The following ANKS1B variants were observed in gnomAD, a reference collection of about 807,000 sequenced individuals.
ANKS1B encodes the protein ankyrin repeat and sterile alpha motif domain containing 1B.
ANKS1B carries 36 observed loss-of-function variants against 148.3 expected under a neutral mutation model. That is an observed-to-expected ratio of 0.24 (90% confidence interval 0.19 to 0.32). The LOEUF (loss-of-function observed/expected upper bound fraction) is 0.32, where lower values mean the gene tolerates loss of function less well. Ranked by LOEUF, ANKS1B falls within the 10% of genes least tolerant of loss-of-function variation. ANKS1B has a pLI of 1.00. For synonymous variants in ANKS1B, 542 were observed against 560.8 expected (o/e 0.97, Z 0.47); for missense variants, 1,157 against 1,542.6 (o/e 0.75, Z 4.19).
At chr12:99,633,300 G>A (rs552946095) in intron 9 of ANKS1B, among the ~76,000 whole-genome samples, 20 of 152,128 alleles carry the variant, frequency 1.3e-4, no homozygotes, top group Admixed American at 1.1e-3. Flanking sequence ...ACAGACCAAC[G>A]GAACAGAACA....
intron 5 of ANKS1B, among the ~76,000 whole-genome samples, chr12:99,780,687 G>A (rs2064206291): frequency 6.6e-6 from 1 of 152,114 alleles, no homozygotes; most frequent in South Asian, 2.1e-4. Context: ...TAATGGTCAT[G>A]TGATTTATAT....
intron 10 of ANKS1B, among the ~76,000 whole-genome samples, chr12:99,497,855 C>A (rs760003664): frequency 1.1e-4 from 16 of 151,986 alleles, no homozygotes; most frequent in Non-Finnish European, 1.6e-4. Flanking sequence ...CTCTCCACCC[C>A]CACCTCCACC....
chr12:99,032,763 T>A (rs1040276500), intron 17 of ANKS1B, among the ~76,000 whole-genome samples: 2 of 152,234 alleles, frequency 1.3e-5, no homozygotes, highest in African/African-American at 4.8e-5. Context: ...TTGATTTTTT[T>A]AAGCTGTGTG....
intron 15 of ANKS1B, among the ~76,000 whole-genome samples, chr12:99,114,920 A>G (rs1345325561): frequency 1.3e-5 from 2 of 152,216 alleles, no homozygotes. Context: ...TCAAAACCAC[A>G]ATAAGATACC....
chr12:99,049,652 A>G (rs2099964684), intron 17 of ANKS1B, among the ~76,000 whole-genome samples: 1 of 152,250 alleles, frequency 6.6e-6, no homozygotes, highest in Admixed American at 6.5e-5. Context: ...TAAATTAAAC[A>G]GTCATGTAAA....
intron 9 of ANKS1B, among the ~76,000 whole-genome samples, chr12:99,512,357 C>A: frequency 6.6e-6 from 1 of 151,908 alleles, no homozygotes; most frequent in Admixed American, 6.6e-5. Flanking sequence ...AATGAGATCA[C>A]CTCATGCAGT....
chr12:99,880,962 T>G (rs1306278034), intron 1 of ANKS1B, among the ~76,000 whole-genome samples: 2 of 152,230 alleles, frequency 1.3e-5, no homozygotes, highest in Admixed American at 1.3e-4. Flanking sequence ...GTGCTAGTTT[T>G]GGGAAGGATG....
intron 15 of ANKS1B, among the ~76,000 whole-genome samples, chr12:99,126,774 T>C (rs577489574): frequency 5.4e-4 from 82 of 152,332 alleles, no homozygotes; most frequent in Middle Eastern, 3.4e-3. Context: ...GTGCCTTGAT[T>C]TCCTTATTTC....
intron 22 of ANKS1B, among the ~76,000 whole-genome samples, chr12:98,792,182 T>C (rs1328411114): frequency 6.6e-6 from 1 of 152,210 alleles, no homozygotes; most frequent in Non-Finnish European, 1.5e-5. Context: ...AAGACCTAAA[T>C]ACACTAGATT....
chr12:99,189,094 G>T (rs2080286631), intron 14 of ANKS1B, among the ~76,000 whole-genome samples: 1 of 152,198 alleles, frequency 6.6e-6, no homozygotes, highest in Non-Finnish European at 1.5e-5. Flanking sequence ...AAATCTAGAA[G>T]AAATGGATAA....
At chr12:99,789,003 A>G (rs2065312035) in intron 4 of ANKS1B, among the ~76,000 whole-genome samples, 1 of 152,126 alleles carries the variant, frequency 6.6e-6, no homozygotes, top group Non-Finnish European at 1.5e-5. Context: ...TGGCTTCCAG[A>G]CAGCTACTCT....
At chr12:99,071,650 T>C (rs924683690) in intron 16 of ANKS1B, among the ~76,000 whole-genome samples, 2 of 151,908 alleles carry the variant, frequency 1.3e-5, no homozygotes, top group Non-Finnish European at 2.9e-5. Flanking sequence ...CTCTCTTTTT[T>C]TTTTTTTTGT....
At chr12:99,031,736 C>T (rs2099952310) in intron 17 of ANKS1B, among the ~76,000 whole-genome samples, 1 of 152,106 alleles carries the variant, frequency 6.6e-6, no homozygotes, top group Admixed American at 6.5e-5. Flanking sequence ...GAGAGCACAG[C>T]AAAAAGACAG....
chr12:99,940,818 G>C (rs1412252983), intron 1 of ANKS1B, among the ~76,000 whole-genome samples: 1 of 152,146 alleles, frequency 6.6e-6, no homozygotes, highest in Non-Finnish European at 1.5e-5. Context: ...AGAGCTTAGA[G>C]GGTGAAAGAC....
intron 14 of ANKS1B, among the ~76,000 whole-genome samples, chr12:99,173,182 T>C (rs1036746796): frequency 1.3e-5 from 2 of 152,160 alleles, no homozygotes; most frequent in Non-Finnish European, 2.9e-5. Flanking sequence ...TTTTAACTGT[T>C]CCGAAATCTC....
intron 8 of ANKS1B, among the ~76,000 whole-genome samples, chr12:99,705,563 T>C (rs1169145969): frequency 6.6e-6 from 1 of 152,128 alleles, no homozygotes; most frequent in East Asian, 1.9e-4. Context: ...TCTAGGGAAT[T>C]TATTCTCAAC....
chr12:98,771,431 CA>C (rs1429407721), intron 25 of ANKS1B, among the ~76,000 whole-genome samples: 1 of 151,904 alleles, frequency 6.6e-6, no homozygotes, highest in African/African-American at 2.4e-5. Context: ...CTTGGCATCC[CA>C]AAGTACTGGG....
At chr12:99,300,621 G>A (rs1443980302) in intron 12 of ANKS1B, among the ~76,000 whole-genome samples, 1 of 152,142 alleles carries the variant, frequency 6.6e-6, no homozygotes. Context: ...CTAATAAAAG[G>A]GCTCATGCCC....
intron 12 of ANKS1B, among the ~76,000 whole-genome samples, chr12:99,337,856 T>C (rs565651084): frequency 6.6e-6 from 1 of 152,194 alleles, no homozygotes; most frequent in Non-Finnish European, 1.5e-5. Flanking sequence ...CTTCTTTTAC[T>C]TTCCACTAAC....
Sources: gnomAD v4.1 joint callset for allele counts (sites outside exome capture counted in the v4.1 genomes callset) on GRCh38, gnomAD v4.1.1 for gene constraint, MANE v1.5 for transcripts, NCBI Gene and HGNC (gene_info 2026-07-23, HGNC 2026-07-21) for gene names.